The following TADA2A variants were observed in gnomAD, a reference collection of about 807,000 sequenced individuals.
TADA2A encodes transcriptional adapter 2-alpha.
TADA2A carries 38 observed loss-of-function variants against 67.4 expected under a neutral mutation model. That is an observed-to-expected ratio of 0.56 (90% CI 0.44 to 0.74). The LOEUF is 0.74. Ranked by LOEUF, TADA2A falls within the 30% of genes least tolerant of loss-of-function variation. The pLI is 0.00. For synonymous variants in TADA2A, 192 were observed against 181.6 expected, an observed-to-expected ratio of 1.06 and a Z score of -0.46; for missense variants, 454 against 547.0, an observed-to-expected ratio of 0.83 and a Z score of 1.70.
At chr17:37,428,450 G>A (rs2052472099) in intron 4 of TADA2A, among the ~76,000 whole-genome samples, 1 of 152,154 alleles carries the variant, frequency 6.6e-6, no homozygotes, top group South Asian at 2.1e-4. Flanking sequence ...CCTGGCTCTG[G>A]GCCCCCTTTC....
At chr17:37,454,746 T>C (rs943159505) in intron 8 of TADA2A, 1 of 337,744 alleles carries the variant, frequency 3.0e-6, no homozygotes, top group Non-Finnish European at 6.2e-6. Context: ...CTTGCTAATA[T>C]AGTGGCCAAG....
chr17:37,469,468 T>C (rs2053738695), intron 12 of TADA2A, among the ~76,000 whole-genome samples: 1 of 151,710 alleles, frequency 6.6e-6, no homozygotes, highest in Admixed American at 6.6e-5. Flanking sequence ...ACCCCGTGTC[T>C]ACTAAAAATA....
intron 3 of TADA2A, chr17:37,426,228 T>C (rs949808809): frequency 1.3e-5 from 2 of 152,178 alleles, no homozygotes. Flanking sequence ...TATATGATTG[T>C]GATTCCAGGG....
intron 6 of TADA2A, among the ~76,000 whole-genome samples, chr17:37,441,311 T>A (rs2052910116): frequency 6.6e-6 from 1 of 151,930 alleles, no homozygotes; most frequent in African/African-American, 2.4e-5. Flanking sequence ...TGAGTGCAAG[T>A]TTTTTTTCAA....
chr17:37,413,513 CTG>C (rs549000513), intron 2 of TADA2A, among the ~76,000 whole-genome samples: 2 of 151,850 alleles, frequency 1.3e-5, no homozygotes, highest in Admixed American at 6.6e-5. Flanking sequence ...CTGTCTGTCT[CTG>C]TGTGTGTGTA....
In TADA2A at chr17:37,411,409, A is replaced by G. The variant is rs1044430814; in HGVS notation, c.25+19A>G. On this transcript the variant is annotated intron_variant, in intron 2 of 15. Coordinates refer to ENST00000615182, the MANE Select transcript of TADA2A (RefSeq NM_001166105.3). ...TTTAGCAGTAAGTACAGTGGGAACA[A>G]GTCTCAGGTGACTTATTATTATTTT... 1.2e-6 allele frequency: 2 copies of G among 1,610,568 alleles called. No homozygotes were observed. Among genetic ancestry groups the G allele is most frequent in the Non-Finnish European group, 1.7e-6 (2 of 1,177,112 alleles).
chr17:37,420,711 CAAAT>C (rs373032313), intron 2 of TADA2A, among the ~76,000 whole-genome samples: 2 of 146,456 alleles, frequency 1.4e-5, no homozygotes, highest in African/African-American at 2.5e-5. Context: ...TTCTTAAAAA[CAAAT>C]AAAGAGAACA....
At chr17:37,441,021 G>C (rs1290966131) in intron 6 of TADA2A, among the ~76,000 whole-genome samples, 2 of 152,008 alleles carry the variant, frequency 1.3e-5, no homozygotes. Context: ...CTTGAACCGG[G>C]TAGGCGGAGA....
Position 37,423,527 on chromosome 17 carries a change from C to T in TADA2A, c.44C>T (p.Pro15Leu), listed in dbSNP as rs1450036651. The T allele has an allele frequency of 6.2e-7, 1 of 1,611,734 alleles. No homozygotes were observed. The highest frequency in any genetic ancestry group is 8.5e-7 in the Non-Finnish European group (1 of 1,179,492). Residue 15 changes from proline to leucine, a missense_variant, in exon 3 of 16, where the codon CCA (proline) becomes CTA (leucine). Around this residue, in one of 2 missense-constraint regions of TADA2A, gnomAD observed 403 missense variants for 455.5 expected, o/e 0.88. Coordinates refer to ENST00000615182, the MANE Select transcript of TADA2A (RefSeq NM_001166105.3). ...GTTCTAGATGATCCCTCTGATAAGCCACCTTGCCGAGGCTGCTCCTCCTAC... is the reference window on the plus strand; with the variant it reads ...GTTCTAGATGATCCCTCTGATAAGCTACCTTGCCGAGGCTGCTCCTCCTAC... ...GSFSNDPSDK[P>L]PCRGCSSYLM...
rs765322399 is a variant in TADA2A, at chr17:37,442,648, T to C, written c.527T>C (p.Ile176Thr). ...AGYMPARADF[I>T]EEFDNYAEWD... ...TACATGCCAGCTCGAGCAGATTTCA[T>C]TGAGGTAGGATAAATGTGTTTTTAG... The change falls in exon 7 of 16, where the codon ATT becomes ACT. Residue 176 changes from isoleucine (I) to threonine (T), a missense_variant. Physicochemically the swap from Ile to Thr is moderately conservative, Grantham distance 89. Around this residue, in one of 2 missense-constraint regions of TADA2A, gnomAD observed 403 missense variants for 455.5 expected, o/e 0.88. Coordinates refer to ENST00000615182, the MANE Select transcript of TADA2A (RefSeq NM_001166105.3). 4 of 1,613,698 alleles carry C rather than the reference T, an allele frequency of 2.5e-6. No individual in the cohort carries two copies. In the East Asian group the frequency reaches 6.7e-5, roughly 27 times the overall value.
intron 3 of TADA2A, among the ~76,000 whole-genome samples, chr17:37,426,000 G>C (rs994860160): frequency 1.3e-5 from 2 of 151,336 alleles, no homozygotes; most frequent in Non-Finnish European, 2.9e-5. Flanking sequence ...TTAGAGATGG[G>C]GTCTTGCTCT....
At position 37,476,799 on chromosome 17, in the gene TADA2A, C is replaced by T. The variant is rs2053901004; in HGVS notation, c.1149C>T (p.Leu383=). Residue 383 remains leucine, a splice_region_variant and synonymous_variant, in exon 16 of 16, where the codon CTC becomes CTT. Transcript: ENST00000615182. ...ATTAAATTTGCCGTGTCTTGCAGCT[C>T]TGTCAGATGGTGAGGTTGGTCCCTG... ...TEKLNEKEKE[L]CQMVRLVPGA... 1.2e-6 allele frequency: 2 copies of T among 1,603,642 alleles called. No homozygotes were observed. The highest frequency in any genetic ancestry group is 1.7e-6 in the Non-Finnish European group (2 of 1,172,318).
intron 8 of TADA2A, among the ~76,000 whole-genome samples, chr17:37,456,240 A>G (rs1286689991): frequency 6.6e-6 from 1 of 152,238 alleles, no homozygotes; most frequent in Non-Finnish European, 1.5e-5. Context: ...AATCAAGACA[A>G]TAAATAGTCT....
In TADA2A at chr17:37,435,941, C is replaced by A. The variant is rs567224987; in HGVS notation, c.193-1797C>A. ...TGTTGCCCAGGCTGGTCTCAAAACTCCTGAGCCCAAAAAGTCCACCCACCC... is the reference window on the plus strand; with the variant it reads ...TGTTGCCCAGGCTGGTCTCAAAACTACTGAGCCCAAAAAGTCCACCCACCC... On this transcript the variant is annotated intron_variant, in intron 4 of 15. Coordinates refer to ENST00000615182, the MANE Select transcript of TADA2A (RefSeq NM_001166105.3). Among the ~76,000 whole-genome samples, 247 of 152,088 alleles carry A rather than the reference C, an allele frequency of 1.6e-3. 1 individual carries two copies. Among genetic ancestry groups the A allele is most frequent in the African/African-American group, 5.7e-3 (238 of 41,478 alleles).
intron 2 of TADA2A, among the ~76,000 whole-genome samples, chr17:37,421,878 A>AT (rs202051077): frequency 0.02 from 2,774 of 137,278 alleles, 243 homozygotes; most frequent in African/African-American, 0.071. Context: ...GTGTTTTTTT[A>AT]TTTTTTTATT....
At chr17:37,411,932 C>T (rs568228418) in intron 2 of TADA2A, among the ~76,000 whole-genome samples, 3 of 151,134 alleles carry the variant, frequency 2.0e-5, no homozygotes, top group Admixed American at 6.6e-5. Context: ...ATGAAGCAGC[C>T]GGGCGTGGTG....
intron 8 of TADA2A, chr17:37,454,734 C>A: frequency 2.9e-6 from 1 of 349,982 alleles, no homozygotes. Context: ...ACTGGTGCAT[C>A]TCTTGCTAAT....
rs144489598 is a variant in TADA2A, at chr17:37,474,071, G to A, written c.1073-485G>A. 3.3e-4 allele frequency among the ~76,000 whole-genome samples: 50 copies of A among 152,298 alleles called. 2 individuals are homozygous for A. In the East Asian group the frequency reaches 9.5e-3, roughly 29 times the overall value. On this transcript the variant is annotated intron_variant, in intron 14 of 15. Transcript: ENST00000615182. Reference sequence around the variant, plus strand: ...CATCAGATTTTAGAGTCTCCTACATGGTTAGGAAGAAATAGGTGATAGTCG... The same window carrying A: ...CATCAGATTTTAGAGTCTCCTACATAGTTAGGAAGAAATAGGTGATAGTCG...
At chr17:37,445,359 A>C (rs1485855196) in intron 8 of TADA2A, among the ~76,000 whole-genome samples, 1 of 152,126 alleles carries the variant, frequency 6.6e-6, no homozygotes, top group Non-Finnish European at 1.5e-5. Context: ...TCTGTCTCCC[A>C]GGTTCAAGGG....
Sources: gnomAD v4.1 joint callset for allele counts (sites outside exome capture counted in the v4.1 genomes callset) on GRCh38, gnomAD v4.1.1 for gene constraint, gnomAD v4.1.1 regional missense constraint, MANE v1.5 for transcripts, NCBI Gene and HGNC (gene_info 2026-07-23, HGNC 2026-07-21) for gene names.